The following LTBP1 variants were observed in gnomAD, a reference collection of about 807,000 sequenced individuals.
LTBP1 encodes latent transforming growth factor beta binding protein 1.
Under a neutral mutation model 207.6 loss-of-function variants are expected in LTBP1, and 129 were observed. That is an observed-to-expected ratio of 0.62 (90% CI 0.54 to 0.72). The LOEUF (loss-of-function observed/expected upper bound fraction) is 0.72, where lower values mean the gene tolerates loss of function less well. LTBP1 is among the 30% of genes least tolerant of loss of function. The probability of loss-of-function intolerance (pLI) is 0.00; values close to 1 mark genes in which losing one functional copy is unlikely to be tolerated. For missense variants in LTBP1, 2,281 were observed against 2,217.2 expected (o/e 1.03, Z -0.58); for synonymous variants, 963 against 833.7 (o/e 1.16, Z -2.67).
At chr2:33,305,134 G>A (rs1032298556) in intron 22 of LTBP1, among the ~76,000 whole-genome samples, 1 of 151,986 alleles carries the variant, frequency 6.6e-6, no homozygotes, top group African/African-American at 2.4e-5. Context: ...CCAACATGGT[G>A]AAACCTCATC....
chr2:33,136,815 C>T (rs777388723), intron 5 of LTBP1, among the ~76,000 whole-genome samples: 15 of 152,168 alleles, frequency 9.9e-5, no homozygotes, highest in Non-Finnish European at 2.2e-4. Flanking sequence ...TGTTTAGGAA[C>T]AGAATATACA....
chr2:33,074,518 C>T (rs1052070416), intron 3 of LTBP1, among the ~76,000 whole-genome samples: 2 of 152,096 alleles, frequency 1.3e-5, no homozygotes, highest in Non-Finnish European at 2.9e-5. Flanking sequence ...GGGTGGATCA[C>T]TTGAGGTCAA....
At chr2:33,334,977 G>A (rs1174244334) in intron 24 of LTBP1, among the ~76,000 whole-genome samples, 1 of 151,770 alleles carries the variant, frequency 6.6e-6, no homozygotes. Flanking sequence ...TATTTGAGAG[G>A]CTGAGGTAGG....
Position 33,055,846 on chromosome 2 carries a change from G to T in LTBP1, c.863+34640G>T, listed in dbSNP as rs942494308. The stretch of plus-strand genomic sequence containing the variant: ...TTGAAGGGGACATAACCCATAGCCC[G>T]TGGGTTTTTGTGGTCCTTTGGAGAT... On this transcript the variant is annotated intron_variant, in intron 3 of 33. Transcript: ENST00000404816. Among the ~76,000 whole-genome samples the T allele has an allele frequency of 2.6e-5, 4 of 152,304 alleles. No homozygotes were observed. The South Asian group carries it at 8.3e-4, about 32-fold the overall frequency.
At chr2:33,085,282 C>A (rs934834153) in intron 3 of LTBP1, among the ~76,000 whole-genome samples, 1 of 152,144 alleles carries the variant, frequency 6.6e-6, no homozygotes, top group African/African-American at 2.4e-5. Flanking sequence ...TTTAAGCCAC[C>A]TAGTTTATGG....
chr2:32,966,566 G>T (rs1680037189), intron 2 of LTBP1, among the ~76,000 whole-genome samples: 2 of 152,118 alleles, frequency 1.3e-5, no homozygotes, highest in South Asian at 4.2e-4. Context: ...TCTATTCCTG[G>T]TTTACTGAGA....
At chr2:33,292,999 A>T (rs560309285) in intron 19 of LTBP1, among the ~76,000 whole-genome samples, 161 bp from the exon 20 acceptor site, 2 of 152,242 alleles carry the variant, frequency 1.3e-5, no homozygotes. Flanking sequence ...TTAGCTCACG[A>T]CAAGCTGCTT....
At chr2:33,144,441 G>C (rs577169790) in intron 5 of LTBP1, among the ~76,000 whole-genome samples, 10 of 152,272 alleles carry the variant, frequency 6.6e-5, no homozygotes, top group African/African-American at 2.2e-4. Context: ...TACACAGGAA[G>C]CTGTTGCATG....
In LTBP1 at chr2:33,371,037, G is replaced by C. The variant is rs113364922; in HGVS notation, c.4711+5534G>C. On this transcript the variant is annotated intron_variant, in intron 31 of 33. Coordinates refer to ENST00000404816, the MANE Select transcript of LTBP1 (RefSeq NM_206943.4). Reference sequence around the variant, plus strand: ...GGCTGCTTAAATAGTGTTCTCTGAAGTTAGATGGCATCTTGCATATTGGTA... The same window carrying C: ...GGCTGCTTAAATAGTGTTCTCTGAACTTAGATGGCATCTTGCATATTGGTA... Among the ~76,000 whole-genome samples, 7 of 152,334 alleles carry C rather than the reference G, an allele frequency of 4.6e-5. 1 individual carries two copies. The highest frequency in any genetic ancestry group is 1.7e-4 in the African/African-American group (7 of 41,588).
intron 11 of LTBP1, among the ~76,000 whole-genome samples, chr2:33,256,670 A>G (rs1426183648): frequency 1.6e-5 from 2 of 127,986 alleles, no homozygotes; most frequent in African/African-American, 5.6e-5. Flanking sequence ...ATAACCTAAT[A>G]TGATATATAG....
chr2:33,365,929 CTGTA>C (rs1193358996), intron 31 of LTBP1, among the ~76,000 whole-genome samples: 4 of 152,112 alleles, frequency 2.6e-5, no homozygotes, highest in Non-Finnish European at 5.9e-5. Flanking sequence ...ATGTCAATCT[CTGTA>C]TGTGGAGATA....
intron 8 of LTBP1, among the ~76,000 whole-genome samples, chr2:33,218,928 C>G (rs2090906666): frequency 6.6e-6 from 1 of 152,164 alleles, no homozygotes; most frequent in Non-Finnish European, 1.5e-5. Flanking sequence ...ATTGTATTCT[C>G]AAATGCCTTT....
At chr2:33,094,884 T>C (rs218208) in intron 3 of LTBP1, among the ~76,000 whole-genome samples, 107,125 of 152,074 alleles carry the variant, frequency 0.7, 38,773 homozygotes, top group East Asian at 0.99. Flanking sequence ...CTAACGAGAA[T>C]ATATTTCTCC....
intron 2 of LTBP1, among the ~76,000 whole-genome samples, chr2:33,016,888 A>G (rs1421011455): frequency 6.6e-6 from 1 of 152,040 alleles, no homozygotes; most frequent in Middle Eastern, 3.4e-3. Context: ...CTGGGCATGC[A>G]TGCCTGTAAT....
intron 2 of LTBP1, among the ~76,000 whole-genome samples, chr2:32,963,171 C>T (rs559098070): frequency 1.2e-4 from 18 of 152,230 alleles, no homozygotes; most frequent in East Asian, 7.7e-4. Flanking sequence ...ACCTTGCAAT[C>T]GGATAAGATG....
intron 7 of LTBP1, among the ~76,000 whole-genome samples, chr2:33,209,562 C>G (rs897647324): frequency 6.6e-6 from 1 of 152,232 alleles, no homozygotes; most frequent in Non-Finnish European, 1.5e-5. Flanking sequence ...GACATGCCCT[C>G]CACAGCATTA....
chr2:33,012,473 A>T (rs1687806679), intron 2 of LTBP1, among the ~76,000 whole-genome samples: 1 of 152,260 alleles, frequency 6.6e-6, no homozygotes, highest in African/African-American at 2.4e-5. Flanking sequence ...TCCCTTGAAT[A>T]TAATAACTCA....
chr2:33,090,620 T>C (rs1054806273), intron 3 of LTBP1, among the ~76,000 whole-genome samples: 4 of 152,082 alleles, frequency 2.6e-5, no homozygotes, highest in Non-Finnish European at 5.9e-5. Context: ...GTTTAAGTGA[T>C]TTGTCCGTGG....
At chr2:33,281,472 A>G (rs1352648458) in intron 19 of LTBP1, among the ~76,000 whole-genome samples, 1 of 152,212 alleles carries the variant, frequency 6.6e-6, no homozygotes, top group Non-Finnish European at 1.5e-5. Context: ...AGATGAGAGG[A>G]CAGACCACTG....
Sources: gnomAD v4.1 joint callset for allele counts (sites outside exome capture counted in the v4.1 genomes callset) on GRCh38, gnomAD v4.1.1 for gene constraint, MANE v1.5 for transcripts, NCBI Gene and HGNC (gene_info 2026-07-23, HGNC 2026-07-21) for gene names.